The following BNIP5 variants were observed in gnomAD, a reference collection of about 807,000 sequenced individuals.
The protein encoded by BNIP5 is BCL2 interacting protein 5.
A neutral mutation model predicts 67.3 loss-of-function variants in BNIP5; 61 were observed. That is an observed-to-expected ratio of 0.91 (90% CI 0.74 to 1.12). The LOEUF (loss-of-function observed/expected upper bound fraction) is 1.12. BNIP5 is among the 50% of genes most tolerant of loss of function. The pLI, the probability that BNIP5 is intolerant of heterozygous loss-of-function variation, is 0.00. For missense variants in BNIP5, 826 were observed against 816.3 expected (o/e 1.01, Z -0.14); for synonymous variants, 317 against 319.0 (o/e 0.99, Z 0.07).
rs1358261692 is a variant in BNIP5 at position 36,316,778 on chromosome 6, A to T, written c.*578T>A. ...AGGACACAGGGTTAGAAGGATTCTG[A>T]GAGACCAAGTGTCCCCAGTCTCTAG... On this transcript the variant is annotated 3_prime_UTR_variant, in exon 12 of 12. Coordinates refer to ENST00000437635, the MANE Select transcript of BNIP5 (RefSeq NM_001010903.5). 1 of 399,468 alleles carries T rather than the reference A, an allele frequency of 2.5e-6. No homozygotes were observed. Among genetic ancestry groups the T allele is most frequent in the Non-Finnish European group, 4.4e-6 (1 of 226,716 alleles). 24.7% of individuals were successfully genotyped at this position (399,468 alleles called of 1,614,324 possible).
chr6:36,319,646 C>T (rs776711424), intron 10 of BNIP5, 36 bp from the exon 11 acceptor site: 2 of 1,588,488 alleles, frequency 1.3e-6, no homozygotes, highest in South Asian at 2.3e-5. Flanking sequence ...ATTAGTGTTG[C>T]TGGCAGTACC....
intron 6 of BNIP5, 79 bp from the exon 7 acceptor site, chr6:36,324,269 C>T (rs573330673): frequency 3.6e-5 from 46 of 1,294,810 alleles, no homozygotes; most frequent in South Asian, 1.2e-4. Flanking sequence ...CCTAATGCCC[C>T]GGTGGCTCCC....
At position 36,318,831 on chromosome 6, in the gene BNIP5, G is replaced by A. The variant is rs73406917; in HGVS notation, c.1923+525C>T. ...ATGCACTCAGAACAGTGAAGGTGAC[G>A]GCAGGAGAGAGGCTGTTCATTAAGC... On this transcript the variant is annotated intron_variant, in intron 11 of 11. Transcript: ENST00000437635. 9.9e-3 allele frequency among the ~76,000 whole-genome samples: 1,511 copies of A among 152,284 alleles called. 11 individuals are homozygous for A. Among genetic ancestry groups the A allele is most frequent in the African/African-American group, 0.019 (801 of 41,554 alleles).
chr6:36,316,624 G>A lies in BNIP5; in HGVS notation c.*732C>T, dbSNP rs1309017677. ...AAAACTACCCAAAAGAAGCTATAGTGCCTACATGGACATGGCACTAGGTAA... is the reference window on the plus strand; with the variant it reads ...AAAACTACCCAAAAGAAGCTATAGTACCTACATGGACATGGCACTAGGTAA... On this transcript the variant is annotated 3_prime_UTR_variant, in exon 12 of 12. Transcript: ENST00000437635. 9 of 398,594 alleles carry A rather than the reference G, an allele frequency of 2.3e-5. No homozygotes were observed. The highest frequency in any genetic ancestry group is 3.5e-5 in the Non-Finnish European group (8 of 226,140). 24.7% of individuals were successfully genotyped at this position (398,594 alleles called of 1,614,324 possible).
intron 1 of BNIP5, among the ~76,000 whole-genome samples, chr6:36,333,320 T>A (rs905713133): frequency 1.3e-5 from 2 of 152,168 alleles, no homozygotes; most frequent in Non-Finnish European, 2.9e-5. Context: ...TTAAAAGGAC[T>A]TATTTGTTGT....
intron 10 of BNIP5, among the ~76,000 whole-genome samples, chr6:36,320,147 A>G (rs1468304009): frequency 2.0e-5 from 3 of 152,210 alleles, no homozygotes; most frequent in Non-Finnish European, 4.4e-5. Context: ...GCCTCCTCCA[A>G]CAAGCTCCTT....
At chr6:36,322,738 A>AC (rs1416590941) in intron 8 of BNIP5, among the ~76,000 whole-genome samples, 1 of 152,188 alleles carries the variant, frequency 6.6e-6, no homozygotes, top group Non-Finnish European at 1.5e-5. Flanking sequence ...TTTCTGGGTC[A>AC]CTTAGCCTGT....
At chr6:36,330,057 T>C (rs370962793) in intron 2 of BNIP5, 24 bp downstream of exon 2, 2 of 1,565,586 alleles carry the variant, frequency 1.3e-6, no homozygotes, top group South Asian at 1.2e-5. Flanking sequence ...GGGGTTGCCA[T>C]AGGAACAGGC....
At chr6:36,319,685 C>T in intron 10 of BNIP5, 75 bp from the exon 11 acceptor site, 1 of 1,535,256 alleles carries the variant, frequency 6.5e-7, no homozygotes, top group Non-Finnish European at 8.8e-7. Context: ...TCCCACAACT[C>T]CATGCAGCCA....
intron 2 of BNIP5, among the ~76,000 whole-genome samples, chr6:36,328,918 A>G (rs1480965847): frequency 6.6e-6 from 1 of 151,862 alleles, no homozygotes; most frequent in Non-Finnish European, 1.5e-5. Flanking sequence ...CCACCAAGAC[A>G]CCTCTCTCGC....
Position 36,323,518 on chromosome 6 carries a change from G to T in BNIP5, c.1246C>A (p.Gln416Lys), listed in dbSNP as rs1771685084. The part of the protein sequence containing the change: ...QQGEEQPQVQ[Q>K]EEVGVENPAP... ...GGGTTTTCTACACCCACCTCTTCCTGCTGGACTTGAGGTTGCTGTGGGGGA... is the reference window on the plus strand; with the variant it reads ...GGGTTTTCTACACCCACCTCTTCCTTCTGGACTTGAGGTTGCTGTGGGGGA... The change falls in exon 8 of 12, where the codon CAG (glutamine) becomes AAG (lysine). Residue 416 changes from glutamine (Q) to lysine (K), a missense_variant. Gln to Lys is a moderately conservative substitution (Grantham distance 53). Transcript: ENST00000437635. 6.2e-7 allele frequency: 1 copy of T among 1,614,142 alleles called. No individual in the cohort carries two copies. The highest frequency in any genetic ancestry group is 8.5e-7 in the Non-Finnish European group (1 of 1,180,032).
chr6:36,323,442 C>T lies in BNIP5; in HGVS notation c.1322G>A (p.Arg441Lys), dbSNP rs1338314619. Residue 441 changes from arginine (R) to lysine (K), a missense_variant, in exon 8 of 12, where the codon AGA becomes AAA. Coordinates refer to ENST00000437635, the MANE Select transcript of BNIP5 (RefSeq NM_001010903.5). ...GGTGTGTTTCTTATGGTAAAACGCT[C>T]TCCTGAAGCTCGACCTTTTTTCTTG... Reference protein sequence around the residue: ...KSQEKRSSFRRAFYHKKHTSK... With the variant: ...KSQEKRSSFRKAFYHKKHTSK... 3 of 1,614,148 alleles carry T rather than the reference C, an allele frequency of 1.9e-6. No homozygotes were observed. Among genetic ancestry groups the T allele is most frequent in the African/African-American group, 2.7e-5 (2 of 74,950 alleles).
In BNIP5 at chr6:36,330,354, C is replaced by G. The variant is rs760559976; in HGVS notation, c.337G>C (p.Glu113Gln). 6.2e-7 allele frequency: 1 copy of G among 1,614,188 alleles called. No individual in the cohort carries two copies. The highest frequency in any genetic ancestry group is 1.1e-5 in the South Asian group (1 of 91,076). ...MLNFFVRTGPEEPREKASRRP... is the reference protein window; with the variant it reads ...MLNFFVRTGPQEPREKASRRP... The stretch of plus-strand genomic sequence containing the variant: ...CTGCTGGCCTTTTCTCTGGGCTCCT[C>G]AGGGCCCGTCCTCACGAAGAAGTTC... The change falls in exon 2 of 12, where the codon GAG (glutamate) becomes CAG (glutamine). Residue 113 changes from glutamate to glutamine, a missense_variant. Glu to Gln is a conservative substitution (Grantham distance 29). Coordinates refer to ENST00000437635, the MANE Select transcript of BNIP5 (RefSeq NM_001010903.5).
Position 36,330,485 on chromosome 6 carries a change from T to C in BNIP5, c.206A>G (p.His69Arg), listed in dbSNP as rs894860681. Reference sequence around the variant, plus strand: ...AGTGGGGGCTGCAGCGGTGGTGCAGTGAGCCTCTGCAGATGGAGCTGGGCT... The same window carrying C: ...AGTGGGGGCTGCAGCGGTGGTGCAGCGAGCCTCTGCAGATGGAGCTGGGCT... ...SDSPAPSAEA[H>R]CTTAAAPTPE... Residue 69 changes from histidine to arginine, a missense_variant, in exon 2 of 12, where the codon CAC becomes CGC. Transcript: ENST00000437635. 25 of 1,613,990 alleles carry C rather than the reference T, an allele frequency of 1.5e-5. No individual in the cohort carries two copies. Among genetic ancestry groups the C allele is most frequent in the Non-Finnish European group, 2.1e-5 (25 of 1,179,988 alleles).
At chr6:36,323,655 C>G (rs114568928) in intron 7 of BNIP5, 122 bp from the exon 8 acceptor site, 15,269 of 1,113,220 alleles carry the variant, frequency 0.014, 141 homozygotes, top group Non-Finnish European at 0.018. Flanking sequence ...GGTTGATGCT[C>G]AGTGCTGGGG....
At chr6:36,335,035 A>G (rs1048611354) in intron 1 of BNIP5, among the ~76,000 whole-genome samples, 5 of 152,256 alleles carry the variant, frequency 3.3e-5, no homozygotes, top group African/African-American at 1.2e-4. Context: ...TGATCTGCAC[A>G]TCACAAGACT....
chr6:36,318,446 G>C (rs925292493), intron 11 of BNIP5, among the ~76,000 whole-genome samples: 1 of 151,998 alleles, frequency 6.6e-6, no homozygotes, highest in Non-Finnish European at 1.5e-5. Context: ...GGTGGCTCAT[G>C]CCTGTAATCC....
chr6:36,318,126 T>C (rs1445270797), intron 11 of BNIP5, among the ~76,000 whole-genome samples: 1 of 152,210 alleles, frequency 6.6e-6, no homozygotes, highest in Non-Finnish European at 1.5e-5. Context: ...TGAGAGACTT[T>C]TCAAATGGCT....
chr6:36,322,267 A>C, intron 9 of BNIP5, 44 bp downstream of exon 9: 1 of 1,611,638 alleles, frequency 6.2e-7, no homozygotes, highest in Non-Finnish European at 8.5e-7. Flanking sequence ...GTGGAAGAGA[A>C]GCACCCGGGA....
Sources: allele counts gnomAD v4.1 joint callset (sites outside exome capture counted in the v4.1 genomes callset), GRCh38; gene constraint gnomAD v4.1.1; transcripts MANE v1.5; gene names NCBI Gene and HGNC (gene_info 2026-07-23, HGNC 2026-07-21).